The following CNTNAP5 variants were observed in gnomAD, a reference collection of about 807,000 sequenced individuals.
The protein encoded by CNTNAP5 is contactin-associated protein-like 5.
In CNTNAP5, 72 loss-of-function variants were observed where a neutral mutation model predicts 150.2. The ratio of observed to expected loss-of-function variants is 0.48; its 90% CI spans 0.40 to 0.58. The LOEUF (loss-of-function observed/expected upper bound fraction) is 0.58. Among genes scored for constraint, CNTNAP5 ranks in the 20% least tolerant of loss-of-function variants. The probability of loss-of-function intolerance (pLI) is 0.00; values close to 1 mark genes in which losing one functional copy is unlikely to be tolerated. For missense variants in CNTNAP5, 1,636 were observed against 1,626.2 expected (o/e 1.01, Z -0.10); for synonymous variants, 672 against 619.8 (o/e 1.08, Z -1.25).
intron 21 of CNTNAP5, among the ~76,000 whole-genome samples, chr2:124,871,296 T>C (rs1484414977): frequency 2.1e-5 from 2 of 95,694 alleles, no homozygotes; most frequent in African/African-American, 2.2e-4. Context: ...TTATTTATTT[T>C]CCTGAACAAA....
intron 3 of CNTNAP5, among the ~76,000 whole-genome samples, chr2:124,365,864 C>T (rs537193980): frequency 6.6e-6 from 1 of 152,260 alleles, no homozygotes; most frequent in East Asian, 1.9e-4. Context: ...TTCATCTTTA[C>T]CAGGAGCTCT....
intron 19 of CNTNAP5, among the ~76,000 whole-genome samples, chr2:124,829,135 G>A (rs1429682806): frequency 6.6e-6 from 1 of 152,122 alleles, no homozygotes; most frequent in Non-Finnish European, 1.5e-5. Context: ...GATGTGGGGG[G>A]CCATGTGCCC....
chr2:124,857,020 T>A (rs1677389816), intron 19 of CNTNAP5, among the ~76,000 whole-genome samples: 3 of 152,116 alleles, frequency 2.0e-5, no homozygotes, highest in Admixed American at 1.3e-4. Context: ...CCTGGGGATC[T>A]GTGACCAAAT....
At position 124,025,469 on chromosome 2, in the gene CNTNAP5, G is replaced by A. The variant is rs1680854601; in HGVS notation, c.-182G>A. 4.9e-6 allele frequency: 3 copies of A among 613,374 alleles called. No homozygotes were observed. In the East Asian group the frequency reaches 8.3e-5, roughly 17 times the overall value. 38.0% of individuals were successfully genotyped at this position (613,374 alleles called of 1,614,324 possible). A position where few individuals can be genotyped will look rare whatever the true frequency, so the allele number is the denominator to read the frequency against. On this transcript the variant is annotated 5_prime_UTR_variant, in exon 1 of 24. Coordinates refer to ENST00000682447, the MANE Select transcript of CNTNAP5 (RefSeq NM_001367498.1). The stretch of plus-strand genomic sequence containing the variant: ...CCGTAGCCCCAGCTGCAGCTCCGAA[G>A]AATCCCCCGCCACGGTTTCGGTGGA...
chr2:124,800,631 A>T (rs906950691), intron 19 of CNTNAP5, among the ~76,000 whole-genome samples: 3 of 152,194 alleles, frequency 2.0e-5, no homozygotes, highest in Non-Finnish European at 4.4e-5. Context: ...AATAATGTGA[A>T]TCTATTTCAT....
At chr2:124,057,369 C>T (rs1681879219) in intron 1 of CNTNAP5, among the ~76,000 whole-genome samples, 1 of 149,808 alleles carries the variant, frequency 6.7e-6, no homozygotes, top group Non-Finnish European at 1.5e-5. Flanking sequence ...GCAAACTCTG[C>T]CTCCCCGGTT....
chr2:124,620,268 A>G (rs1015100602), intron 12 of CNTNAP5, among the ~76,000 whole-genome samples: 2 of 152,030 alleles, frequency 1.3e-5, no homozygotes, highest in South Asian at 2.1e-4. Flanking sequence ...TCCTGTTTCC[A>G]TAATCTATCT....
chr2:124,135,199 A>G (rs189009884), intron 1 of CNTNAP5: 186 of 152,318 alleles, frequency 1.2e-3, no homozygotes, highest in African/African-American at 4.2e-3. Context: ...CAAGGTTTTC[A>G]CCTTTTATGA....
chr2:124,671,574 A>C (rs1008455147), intron 13 of CNTNAP5, among the ~76,000 whole-genome samples: 1 of 152,176 alleles, frequency 6.6e-6, no homozygotes, highest in Non-Finnish European at 1.5e-5. Flanking sequence ...TTCTTTGCTT[A>C]TCTCTTTTGT....
At chr2:124,481,753 C>G (rs1034202989) in intron 7 of CNTNAP5, among the ~76,000 whole-genome samples, 8 of 151,920 alleles carry the variant, frequency 5.3e-5, no homozygotes, top group African/African-American at 1.9e-4. Flanking sequence ...ATCAATTTAC[C>G]ATAGTTCATT....
intron 13 of CNTNAP5, among the ~76,000 whole-genome samples, chr2:124,707,715 T>C (rs1441587418): frequency 1.3e-5 from 2 of 152,156 alleles, no homozygotes; most frequent in Non-Finnish European, 2.9e-5. Context: ...CTAACACCTC[T>C]CTACCTCACT....
chr2:124,706,924 GAA>G (rs1301114054), intron 13 of CNTNAP5, among the ~76,000 whole-genome samples: 8 of 133,218 alleles, frequency 6.0e-5, no homozygotes, highest in African/African-American at 8.8e-5. Flanking sequence ...AGGAGAAGAA[GAA>G]GAAGAAGAAG....
At chr2:124,342,148 A>G (rs1240321435) in intron 3 of CNTNAP5, among the ~76,000 whole-genome samples, 1 of 152,188 alleles carries the variant, frequency 6.6e-6, no homozygotes, top group Non-Finnish European at 1.5e-5. Context: ...AATTTTTACC[A>G]AAGATAATCA....
intron 19 of CNTNAP5, among the ~76,000 whole-genome samples, chr2:124,817,648 G>A (rs866504150): frequency 7.9e-5 from 12 of 152,158 alleles, no homozygotes; most frequent in African/African-American, 2.9e-4. Flanking sequence ...AGTTCTTACT[G>A]GAGGATAAAA....
intron 13 of CNTNAP5, among the ~76,000 whole-genome samples, chr2:124,734,567 T>G (rs1680342722): frequency 6.6e-6 from 1 of 151,912 alleles, no homozygotes; most frequent in African/African-American, 2.4e-5. Context: ...AAAAGTAGCA[T>G]CATCACATGC....
intron 17 of CNTNAP5, among the ~76,000 whole-genome samples, chr2:124,786,398 A>AGAAAGAAAGAAAGAAAGAAGGAAG (rs1553442119): frequency 2.2e-5 from 1 of 45,224 alleles, no homozygotes; most frequent in Admixed American, 2.5e-4. Context: ...AAAGAAAGAA[A>AGAAAGAAAGAAAGAAAGAAGGAAG]GAAGGAAGGA....
At chr2:124,221,616 T>C in intron 1 of CNTNAP5, 89 bp from the exon 2 acceptor site, 3 of 841,952 alleles carry the variant, frequency 3.6e-6, no homozygotes, top group Admixed American at 4.2e-5. Flanking sequence ...TAATAAATGA[T>C]GGTAGTTAAT....
chr2:124,305,860 A>C (rs1233563382), intron 3 of CNTNAP5, among the ~76,000 whole-genome samples: 1 of 152,170 alleles, frequency 6.6e-6, no homozygotes, highest in Non-Finnish European at 1.5e-5. Flanking sequence ...TAATATTTTT[A>C]TTCTTTTATA....
intron 6 of CNTNAP5, among the ~76,000 whole-genome samples, chr2:124,465,493 G>A (rs1693356929): frequency 1.3e-5 from 2 of 152,176 alleles, no homozygotes; most frequent in African/African-American, 2.4e-5. Flanking sequence ...AAAAGACAAT[G>A]AGGCAAAAGC....
Sources: gnomAD v4.1 joint callset for allele counts (sites outside exome capture counted in the v4.1 genomes callset) on GRCh38, gnomAD v4.1.1 for gene constraint, MANE v1.5 for transcripts, NCBI Gene and HGNC (gene_info 2026-07-23, HGNC 2026-07-21) for gene names.